PCDHA12: variants seen among roughly 807,000 people sequenced by gnomAD.
The protein encoded by PCDHA12 is protocadherin alpha-12.
A neutral mutation model predicts 60.0 loss-of-function variants in PCDHA12; 44 were observed. That is an observed-to-expected ratio of 0.73 (90% CI 0.58 to 0.94). The LOEUF is 0.94. PCDHA12 is among the 40% of genes least tolerant of loss of function. The pLI, the probability that PCDHA12 is intolerant of heterozygous loss-of-function variation, is 0.00. For synonymous variants in PCDHA12, 569 were observed against 553.0 expected, an observed-to-expected ratio of 1.03 and a Z score of -0.40; for missense variants, 1,276 against 1,239.7, an observed-to-expected ratio of 1.03 and a Z score of -0.44.
intron 1 of PCDHA12, among the ~76,000 whole-genome samples, chr5:140,944,016 A>G (rs2093596830): frequency 6.6e-6 from 1 of 152,182 alleles, no homozygotes; most frequent in Non-Finnish European, 1.5e-5. Flanking sequence ...CCCAAAAGCA[A>G]TTATCTTCAA....
chr5:140,928,893 T>C (rs1554206469), intron 1 of PCDHA12: 1 of 1,614,052 alleles, frequency 6.2e-7, no homozygotes, highest in African/African-American at 1.3e-5. Flanking sequence ...TTCCAGACTT[T>C]GAAGATGTCT....
chr5:140,926,905 G>A (rs1228610236), intron 1 of PCDHA12: 1 of 1,558,988 alleles, frequency 6.4e-7, no homozygotes, highest in Admixed American at 1.8e-5. Flanking sequence ...GGTGGGCTGT[G>A]GGGTGGCAGT....
chr5:140,877,994 G>A lies in PCDHA12; in HGVS notation c.2367+155G>A, dbSNP rs1349448705. On this transcript the variant is annotated intron_variant, in intron 1 of 3. Coordinates refer to ENST00000398631, the MANE Select transcript of PCDHA12 (RefSeq NM_018903.4). Reference sequence around the variant, plus strand: ...ATTCTTACTCATTTTGAACTTTTATGTATTTGTCTAACATTAATGAAGGAA... The same window carrying A: ...ATTCTTACTCATTTTGAACTTTTATATATTTGTCTAACATTAATGAAGGAA... The A allele has an allele frequency of 8.3e-6, 9 of 1,078,340 alleles. No homozygotes were observed. The Admixed American group carries it at 1.0e-4, about 12-fold the overall frequency. 66.8% of individuals were successfully genotyped at this position (1,078,340 alleles called of 1,614,324 possible). A position where few individuals can be genotyped will look rare whatever the true frequency, so the allele number is the denominator to read the frequency against.
At chr5:141,009,118 C>G (rs2098400274) in intron 3 of PCDHA12, among the ~76,000 whole-genome samples, 1 of 152,182 alleles carries the variant, frequency 6.6e-6, no homozygotes, top group Non-Finnish European at 1.5e-5. Flanking sequence ...AAACTAGATT[C>G]TTGGTATCCT....
At chr5:140,990,130 G>A (rs1448603304) in intron 3 of PCDHA12, among the ~76,000 whole-genome samples, 1 of 152,066 alleles carries the variant, frequency 6.6e-6, no homozygotes, top group Admixed American at 6.6e-5. Flanking sequence ...GTAGAAGTCA[G>A]ACTCAAGAGG....
intron 1 of PCDHA12, among the ~76,000 whole-genome samples, chr5:140,975,516 G>A (rs1310855349): frequency 6.6e-6 from 1 of 152,284 alleles, no homozygotes; most frequent in South Asian, 2.1e-4. Flanking sequence ...TGCAAAATCT[G>A]CAGTGGATAT....
rs542968986 is a variant in PCDHA12, at chr5:141,005,917, A to T, written c.2516-3710A>T. On this transcript the variant is annotated intron_variant, in intron 3 of 3. Transcript: ENST00000398631. ...AGCAATGATTGCACCACTGCACTTCAGCCTGGTTGACAGAGTGAGAACCTA... is the reference window on the plus strand; with the variant it reads ...AGCAATGATTGCACCACTGCACTTCTGCCTGGTTGACAGAGTGAGAACCTA... Among the ~76,000 whole-genome samples the T allele has an allele frequency of 4.5e-4, 69 of 152,156 alleles. No homozygotes were observed. In the South Asian group the frequency reaches 0.013, roughly 28 times the overall value.
chr5:140,880,090 G>A (rs977793027), intron 1 of PCDHA12, among the ~76,000 whole-genome samples: 3 of 152,136 alleles, frequency 2.0e-5, no homozygotes, highest in Admixed American at 2.0e-4. Context: ...ATTATAGTAG[G>A]CTTAAAATCA....
At chr5:140,911,952 G>A (rs2075698662) in intron 1 of PCDHA12, among the ~76,000 whole-genome samples, 1 of 152,170 alleles carries the variant, frequency 6.6e-6, no homozygotes, top group South Asian at 2.1e-4. Context: ...ATAAAGGGGA[G>A]GTTACTAAGG....
At chr5:141,007,235 T>G (rs2098311065) in intron 3 of PCDHA12, among the ~76,000 whole-genome samples, 1 of 151,964 alleles carries the variant, frequency 6.6e-6, no homozygotes, top group Non-Finnish European at 1.5e-5. Context: ...GAAGGATTGT[T>G]GAGCTGAAGG....
intron 1 of PCDHA12, chr5:140,968,517 C>T: frequency 6.2e-7 from 1 of 1,614,206 alleles, no homozygotes; most frequent in Non-Finnish European, 8.5e-7. Flanking sequence ...TACCCTACCT[C>T]AACCAACTCG....
intron 3 of PCDHA12, among the ~76,000 whole-genome samples, chr5:140,985,683 G>T (rs926848363): frequency 3.3e-5 from 5 of 151,148 alleles, no homozygotes; most frequent in Admixed American, 6.6e-5. Flanking sequence ...CCTGCCTTAC[G>T]CTAATCCTCG....
intron 1 of PCDHA12, among the ~76,000 whole-genome samples, chr5:140,975,946 A>T (rs989122714): frequency 6.6e-6 from 1 of 152,210 alleles, no homozygotes; most frequent in Non-Finnish European, 1.5e-5. Context: ...AATAGGACAT[A>T]TTAGAGTTCT....
rs116357285 is a variant in PCDHA12, at chr5:140,877,275, C to T, written c.1803C>T (p.Ser601=). 2.8e-4 allele frequency: 456 copies of T among 1,613,776 alleles called. 1 individual carries two copies. In the African/African-American group the frequency reaches 4.6e-3, roughly 16 times the overall value. The part of the protein sequence containing the change: ...VAKVRAVDAD[S]GYNAWLSYEL... Reference sequence around the variant, plus strand: ...AAGTGCGCGCGGTGGACGCTGACTCCGGCTATAACGCTTGGCTGTCCTACG... The same window carrying T: ...AAGTGCGCGCGGTGGACGCTGACTCTGGCTATAACGCTTGGCTGTCCTACG... Residue 601 remains serine (S), a synonymous_variant, in exon 1 of 4, where the codon TCC becomes TCT. Transcript: ENST00000398631.
chr5:140,966,057 G>A (rs2153745793), intron 1 of PCDHA12, among the ~76,000 whole-genome samples: 1 of 152,318 alleles, frequency 6.6e-6, no homozygotes, highest in East Asian at 1.9e-4. Flanking sequence ...TAACCCCAGA[G>A]CGCCTCCCCC....
Position 140,876,061 on chromosome 5 carries a change from C to T in PCDHA12, c.589C>T (p.Arg197Trp), listed in dbSNP as rs782151232. ...AAGTATATTGCCTGAATTAGTTCTT[C>T]GGAAGTTATTGGACAGAGAGCAAAC... Reference protein sequence around the residue: ...DKSILPELVLRKLLDREQTPK... With the variant: ...DKSILPELVLWKLLDREQTPK... Residue 197 changes from arginine to tryptophan, a missense_variant, in exon 1 of 4, where the codon CGG (arginine) becomes TGG (tryptophan). Physicochemically the swap from Arg to Trp is moderately radical, Grantham distance 101 (BLOSUM62 -3). Transcript: ENST00000398631. 1.1e-5 allele frequency: 17 copies of T among 1,613,778 alleles called. No homozygotes were observed. The highest frequency in any genetic ancestry group is 1.3e-5 in the African/African-American group (1 of 74,926).
intron 3 of PCDHA12, among the ~76,000 whole-genome samples, chr5:140,996,177 C>T (rs1214472705): frequency 6.6e-6 from 1 of 152,226 alleles, no homozygotes; most frequent in Non-Finnish European, 1.5e-5. Flanking sequence ...GCTGACAGCA[C>T]CTCCATTTTA....
At chr5:140,915,557 T>G (rs909593732) in intron 1 of PCDHA12, among the ~76,000 whole-genome samples, 1 of 152,102 alleles carries the variant, frequency 6.6e-6, no homozygotes, top group African/African-American at 2.4e-5. Flanking sequence ...AGATCCAGAA[T>G]GATTATCTGG....
At chr5:141,005,701 CAAAAAAAAAAAAAAAAAAAA>C (rs59860837) in intron 3 of PCDHA12, among the ~76,000 whole-genome samples, 1 of 7,786 alleles carries the variant, frequency 1.3e-4, no homozygotes, top group Admixed American at 1.6e-3. Flanking sequence ...AACTCCGTCT[CAAAAAAAAAAAAAAAAAAAA>C]AAAAAAAAAA....
Sources: allele counts gnomAD v4.1 joint callset (sites outside exome capture counted in the v4.1 genomes callset), GRCh38; gene constraint gnomAD v4.1.1; transcripts MANE v1.5; gene names NCBI Gene and HGNC (gene_info 2026-07-23, HGNC 2026-07-21).